METTL15: variants seen among roughly 807,000 people sequenced by gnomAD.
METTL15 encodes methyltransferase 15, mitochondrial 12S rRNA N4-cytidine, also known as 12S rRNA N(4)-cytidine methyltransferase METTL15.
A neutral mutation model predicts 38.3 loss-of-function variants in METTL15; 34 were observed. The observed-to-expected ratio is 0.89, with a 90% CI of 0.68 to 1.18. The LOEUF (loss-of-function observed/expected upper bound fraction) is 1.18, where lower values mean the gene tolerates loss of function less well. METTL15 is among the 50% of genes most tolerant of loss of function. The pLI is 0.00. For synonymous variants in METTL15, 162 were observed against 170.9 expected (o/e 0.95, Z 0.41); for missense variants, 438 against 498.4 (o/e 0.88, Z 1.15).
At chr11:28,350,832 A>T (rs1231664219) in intron 3 of METTL15, among the ~76,000 whole-genome samples, 4 of 152,216 alleles carry the variant, frequency 2.6e-5, no homozygotes, top group Non-Finnish European at 5.9e-5. Flanking sequence ...ACATGTAAAC[A>T]TTTGAATTTT....
chr11:28,187,125 T>C (rs1331853536), intron 3 of METTL15, among the ~76,000 whole-genome samples: 2 of 151,280 alleles, frequency 1.3e-5, no homozygotes, highest in Non-Finnish European at 3.0e-5. Flanking sequence ...TGAGATATGA[T>C]AGCTATTTAA....
intron 4 of METTL15, among the ~76,000 whole-genome samples, chr11:28,242,481 A>T (rs780100445): frequency 6.6e-5 from 10 of 152,230 alleles, no homozygotes; most frequent in Non-Finnish European, 1.5e-4. Flanking sequence ...AGAGAACATC[A>T]TTCCTAGAAT....
At chr11:28,151,348 C>G (rs1285932130) in intron 3 of METTL15, among the ~76,000 whole-genome samples, 2 of 151,854 alleles carry the variant, frequency 1.3e-5, no homozygotes, top group Non-Finnish European at 2.9e-5. Flanking sequence ...CACTTACTTT[C>G]AATATATCTT....
chr11:28,337,625 A>G (rs1849913119), downstream of METTL15, among the ~76,000 whole-genome samples: 1 of 152,156 alleles, frequency 6.6e-6, no homozygotes, highest in South Asian at 2.1e-4. Context: ...TCACTGACTC[A>G]AAGCAACTTC....
At chr11:28,255,180 A>G (rs1415792389) in intron 4 of METTL15, among the ~76,000 whole-genome samples, 1 of 152,052 alleles carries the variant, frequency 6.6e-6, no homozygotes, top group Non-Finnish European at 1.5e-5. Flanking sequence ...ATCTTTCACT[A>G]CTTTGGTTAA....
At chr11:28,445,740 C>G (rs1014875305) in intron 6 of METTL15, among the ~76,000 whole-genome samples, 1 of 152,114 alleles carries the variant, frequency 6.6e-6, no homozygotes, top group Non-Finnish European at 1.5e-5. Flanking sequence ...CAGCCTCAAC[C>G]TCCTGGGCTC....
chr11:28,252,319 T>C (rs1854777467), intron 4 of METTL15, among the ~76,000 whole-genome samples: 1 of 152,104 alleles, frequency 6.6e-6, no homozygotes, highest in South Asian at 2.1e-4. Context: ...AGGGAAGGCA[T>C]CACAGATTTC....
chr11:28,397,503 G>T (rs1464672101), intron 5 of METTL15, among the ~76,000 whole-genome samples: 1 of 152,146 alleles, frequency 6.6e-6, no homozygotes, highest in East Asian at 1.9e-4. Context: ...CATCATCACT[G>T]GCCATCAGAG....
chr11:28,335,677 A>G (rs2133349720), downstream of METTL15, among the ~76,000 whole-genome samples: 1 of 152,224 alleles, frequency 6.6e-6, no homozygotes, highest in South Asian at 2.1e-4. Flanking sequence ...TTGCTGTATC[A>G]ATTCCCAGAG....
At chr11:28,153,243 G>A (rs1384701159) in intron 3 of METTL15, among the ~76,000 whole-genome samples, 1 of 151,992 alleles carries the variant, frequency 6.6e-6, no homozygotes, top group East Asian at 1.9e-4. Flanking sequence ...TCCTATTCAA[G>A]ATGGTTTCAC....
intron 3 of METTL15, among the ~76,000 whole-genome samples, chr11:28,206,082 CT>C (rs1181651046): frequency 2.0e-4 from 29 of 147,238 alleles, no homozygotes; most frequent in African/African-American, 7.5e-4. Context: ...ATGGTAGTTT[CT>C]TTTGCTGTGC....
chr11:28,371,896 T>G (rs1461281383), intron 5 of METTL15, among the ~76,000 whole-genome samples: 1 of 152,114 alleles, frequency 6.6e-6, no homozygotes, highest in East Asian at 1.9e-4. Context: ...TGTTAGAGAC[T>G]TTAGGTTTTT....
chr11:28,518,047 G>A (rs1851733486), intron 6 of METTL15, among the ~76,000 whole-genome samples: 1 of 152,274 alleles, frequency 6.6e-6, no homozygotes, highest in East Asian at 1.9e-4. Flanking sequence ...TGTTCATGTC[G>A]TTAAGTGGTT....
intron 6 of METTL15, among the ~76,000 whole-genome samples, chr11:28,465,279 C>A (rs1851247574): frequency 2.6e-5 from 4 of 152,148 alleles, no homozygotes; most frequent in Admixed American, 2.0e-4. Context: ...CAGTCTTTCT[C>A]AGTCTCCTTG....
intron 6 of METTL15, among the ~76,000 whole-genome samples, chr11:28,504,768 G>T (rs1851613917): frequency 1.3e-5 from 2 of 152,326 alleles, no homozygotes; most frequent in Middle Eastern, 3.4e-3. Flanking sequence ...GGGCATGGTT[G>T]TATGCACACA....
intron 5 of METTL15, among the ~76,000 whole-genome samples, chr11:28,391,931 A>G (rs1389096431): frequency 6.6e-6 from 1 of 152,304 alleles, no homozygotes; most frequent in East Asian, 1.9e-4. Context: ...TAAAATACCA[A>G]AAGCATGGCA....
intron 6 of METTL15, among the ~76,000 whole-genome samples, chr11:28,317,437 G>A (rs1365231830): frequency 3.9e-5 from 6 of 151,938 alleles, no homozygotes; most frequent in Admixed American, 2.0e-4. Context: ...TTCAACAGCC[G>A]AATGCTGGCA....
At chr11:28,483,929 A>G (rs564265042) in intron 6 of METTL15, among the ~76,000 whole-genome samples, 10 of 152,310 alleles carry the variant, frequency 6.6e-5, no homozygotes, top group African/African-American at 2.4e-4. Context: ...TTTATAAGCT[A>G]TATCCAAATG....
intron 3 of METTL15, among the ~76,000 whole-genome samples, chr11:28,115,947 C>CACAT (rs1851933785): frequency 6.6e-6 from 1 of 151,162 alleles, no homozygotes; most frequent in Admixed American, 6.6e-5. Flanking sequence ...CACACACACA[C>CACAT]ACACACACAC....
Sources: gnomAD v4.1 joint callset for allele counts (sites outside exome capture counted in the v4.1 genomes callset) on GRCh38, gnomAD v4.1.1 for gene constraint, MANE v1.5 for transcripts, NCBI Gene and HGNC (gene_info 2026-07-23, HGNC 2026-07-21) for gene names.